Variants in GNPTAB observed in about 807,000 individuals in gnomAD.
GNPTAB encodes N-acetylglucosamine-1-phosphate transferase subunits alpha and beta, also known as N-acetylglucosamine-1-phosphotransferase subunits alpha/beta.
GNPTAB carries 92 observed loss-of-function variants against 136.6 expected under a neutral mutation model. The observed-to-expected ratio is 0.67, with a 90% confidence interval of 0.57 to 0.80. The LOEUF is 0.80. Among genes scored for constraint, GNPTAB ranks in the 30% least tolerant of loss-of-function variants. The pLI, the probability that GNPTAB is intolerant of heterozygous loss-of-function variation, is 0.00. For missense variants in GNPTAB, 1,343 were observed against 1,501.8 expected (o/e 0.89, Z 1.75); for synonymous variants, 512 against 535.1 (o/e 0.96, Z 0.60).
intron 1 of GNPTAB, among the ~76,000 whole-genome samples, chr12:101,826,048 A>T (rs1476749604): frequency 4.6e-5 from 7 of 152,208 alleles, no homozygotes; most frequent in Admixed American, 2.6e-4. Flanking sequence ...GAACTAATCA[A>T]ATACAAAAAT....
intron 1 of GNPTAB, among the ~76,000 whole-genome samples, chr12:101,813,597 G>T (rs376352058): frequency 6.6e-6 from 1 of 152,180 alleles, no homozygotes; most frequent in African/African-American, 2.4e-5. Context: ...TTGTATTTGC[G>T]TGATAGAGAT....
At chr12:101,799,725 G>C (rs1010749626) in intron 1 of GNPTAB, among the ~76,000 whole-genome samples, 2 of 68,332 alleles carry the variant, frequency 2.9e-5, no homozygotes, top group Admixed American at 2.6e-4. Context: ...TACCTTGCCA[G>C]TAAGTACTTC....
Position 101,799,386 on chromosome 12 carries a change from A to AAATC in GNPTAB, c.118-2628_118-2625dup, listed in dbSNP as rs143022111. ...AAGGCAGAAGATCAGTTCCCAAAGA[A>AAATC]AATCATCGATGAGAAAGGATATCTG... On this transcript the variant is annotated intron_variant, in intron 1 of 20. Coordinates refer to ENST00000299314, the MANE Select transcript of GNPTAB (RefSeq NM_024312.5). Among the ~76,000 whole-genome samples, 3 of 152,340 alleles carry AAATC rather than the reference A, an allele frequency of 2.0e-5. No individual in the cohort carries two copies. The East Asian group carries it at 5.8e-4, about 29-fold the overall frequency.
intron 1 of GNPTAB, among the ~76,000 whole-genome samples, chr12:101,824,431 T>TAC (rs1870976715): frequency 1.0e-5 from 1 of 99,292 alleles, no homozygotes; most frequent in Non-Finnish European, 2.0e-5. Flanking sequence ...TATATATATA[T>TAC]ATTTTCTTTT....
chr12:101,760,349 G>A (rs1952974864), intron 15 of GNPTAB, among the ~76,000 whole-genome samples: 2 of 152,152 alleles, frequency 1.3e-5, no homozygotes, highest in African/African-American at 4.8e-5. Context: ...TCATCTCAAA[G>A]AACATTCTGG....
rs10778148 is a variant in GNPTAB, at chr12:101,764,985, T to C, written c.1932A>G (p.Thr644=). The C allele has an allele frequency of 0.55, 883,413 of 1,613,608 alleles. 246,506 individuals are homozygous for C. The highest frequency in any genetic ancestry group is 0.89 in the East Asian group (39,787 of 44,870). ...DTREGPKLNS[T]AQKGYENLVS... is the part of the protein sequence containing the mutation. ...CTAAATTTTCGTAACCCTTCTGGGC[T>C]GTAGAATTCAGTTTTGGTCCCTCCC... is the stretch of plus-strand genomic sequence containing the variant. Residue 644 remains threonine, a synonymous_variant, in exon 13 of 21, where the codon ACA becomes ACG. Coordinates refer to ENST00000299314, the MANE Select transcript of GNPTAB (RefSeq NM_024312.5).
chr12:101,793,932 T>C, intron 2 of GNPTAB, among the ~76,000 whole-genome samples: 1 of 152,176 alleles, frequency 6.6e-6, no homozygotes, highest in East Asian at 1.9e-4. Context: ...AACCTATGCC[T>C]CCCAGGTTCA....
At chr12:101,813,717 T>C (rs1870356295) in intron 1 of GNPTAB, among the ~76,000 whole-genome samples, 1 of 152,176 alleles carries the variant, frequency 6.6e-6, no homozygotes, top group South Asian at 2.1e-4. Flanking sequence ...TATTGAGGAC[T>C]GGCTGGGTAT....
rs139823538 is a variant in GNPTAB, at chr12:101,800,571, C to T, written c.118-3809G>A. ...GTCAGGAGTTCAAGATCAGCCTAGC[C>T]AACATGGTGAAACCCCATCACTACT... On this transcript the variant is annotated intron_variant, in intron 1 of 20. Coordinates refer to ENST00000299314, the MANE Select transcript of GNPTAB (RefSeq NM_024312.5). Among the ~76,000 whole-genome samples the T allele has an allele frequency of 2.9e-3, 354 of 120,114 alleles. 4 individuals carry two copies. The highest frequency in any genetic ancestry group is 0.01 in the African/African-American group (320 of 31,200). The allele number at this position is 120,114 out of a possible 152,430, so 78.8% of individuals were successfully genotyped here.
At chr12:101,763,509 C>T (rs1953033437) in intron 13 of GNPTAB, among the ~76,000 whole-genome samples, 4 of 152,128 alleles carry the variant, frequency 2.6e-5, no homozygotes, top group Admixed American at 2.6e-4. Flanking sequence ...AGGGCACTTC[C>T]TTCTGTATGC....
intron 1 of GNPTAB, among the ~76,000 whole-genome samples, chr12:101,801,523 GA>G (rs1384353720): frequency 1.8e-4 from 13 of 72,524 alleles, no homozygotes; most frequent in Non-Finnish European, 3.2e-4. Flanking sequence ...CTGGGTGACA[GA>G]AAGAGACCCT....
chr12:101,749,777 G>A (rs1042324994), intron 19 of GNPTAB, among the ~76,000 whole-genome samples: 5 of 152,228 alleles, frequency 3.3e-5, no homozygotes, highest in East Asian at 1.9e-4. Context: ...AGAGTGGCAC[G>A]GTGGCCAGCT....
At position 101,784,680 on chromosome 12, in the gene GNPTAB, G is replaced by A. The variant is rs201959560; in HGVS notation, c.571+1332C>T. Among the ~76,000 whole-genome samples the A allele has an allele frequency of 8.9e-3, 1,248 of 139,840 alleles. 8 individuals are homozygous for A. The highest frequency in any genetic ancestry group is 0.012 in the Non-Finnish European group (767 of 63,276). 91.7% of individuals were successfully genotyped at this position (139,840 alleles called of 152,430 possible). A position where few individuals can be genotyped will look rare whatever the true frequency, so the allele number is the denominator to read the frequency against. On this transcript the variant is annotated intron_variant, in intron 5 of 20. Coordinates refer to ENST00000299314, the MANE Select transcript of GNPTAB (RefSeq NM_024312.5). ...AAGGTAAGAACCTAAGAATCATGTG[G>A]AAAAAAAAAAAAAGCAAGTCATAGG...
At chr12:101,764,124 T>C in intron 13 of GNPTAB, 78 bp downstream of exon 13, 1 of 1,588,784 alleles carries the variant, frequency 6.3e-7, no homozygotes, top group Non-Finnish European at 8.6e-7. Context: ...GCTGAATAAA[T>C]GGTAGCTATA....
intron 3 of GNPTAB, 133 bp downstream of exon 3, chr12:101,789,805 G>T: frequency 1.0e-6 from 1 of 974,656 alleles, no homozygotes; most frequent in Non-Finnish European, 1.6e-6. Flanking sequence ...TTAAAAATCA[G>T]TTTTACCAGA....
In GNPTAB at chr12:101,753,422, C is replaced by T. The variant is rs769340984; in HGVS notation, c.3552G>A (p.Leu1184=). Residue 1184 remains leucine (L), a synonymous_variant, in exon 19 of 21, where the codon CTG becomes CTA. Transcript: ENST00000299314. ...GGAAACGGTTTCGATACTCTCTTGG[C>T]AGTTCAAATTGGGAAGGTATGGGGA... ...SMFPIPSQFE[L]PREYRNRFLH... 9.3e-6 allele frequency: 15 copies of T among 1,613,960 alleles called. No individual in the cohort carries two copies. Among genetic ancestry groups the T allele is most frequent in the South Asian group, 5.5e-5 (5 of 91,076 alleles).
intron 7 of GNPTAB, among the ~76,000 whole-genome samples, chr12:101,777,661 T>C (rs1395043819): frequency 6.6e-6 from 1 of 152,214 alleles, no homozygotes; most frequent in East Asian, 1.9e-4. Flanking sequence ...GTATAAACTC[T>C]TATTTGGAGC....
intron 2 of GNPTAB, among the ~76,000 whole-genome samples, chr12:101,790,740 TAAAA>T (rs59673928): frequency 2.5e-4 from 35 of 137,730 alleles, no homozygotes; most frequent in Non-Finnish European, 1.6e-5. Context: ...GCCTTGTCTC[TAAAA>T]AAAAAAAAAA....
chr12:101,777,249 T>A (rs552137979), intron 7 of GNPTAB, among the ~76,000 whole-genome samples: 1 of 152,356 alleles, frequency 6.6e-6, no homozygotes, highest in South Asian at 2.1e-4. Context: ...CTTACTGGGC[T>A]ATGGCAGCAG....
Sources: gnomAD v4.1 joint callset for allele counts (sites outside exome capture counted in the v4.1 genomes callset) on GRCh38, gnomAD v4.1.1 for gene constraint, MANE v1.5 for transcripts, NCBI Gene and HGNC (gene_info 2026-07-23, HGNC 2026-07-21) for gene names.